Variants in CETP observed in about 807,000 individuals in gnomAD.
CETP encodes BPI fold containing family F.
In CETP, 56 loss-of-function variants were observed where a neutral mutation model predicts 66.5. That is an observed-to-expected ratio of 0.84 (90% CI 0.68 to 1.05). The LOEUF (loss-of-function observed/expected upper bound fraction) is 1.05. Ranked by LOEUF, CETP falls within the 50% of genes least tolerant of loss-of-function variation. The probability of loss-of-function intolerance (pLI) is 0.00; values close to 1 mark genes in which losing one functional copy is unlikely to be tolerated. For synonymous variants in CETP, 251 were observed against 245.7 expected (o/e 1.02, Z -0.20); for missense variants, 612 against 609.6 (o/e 1.00, Z -0.04).
chr16:56,972,754 G>A (rs761837053), intron 8 of CETP, among the ~76,000 whole-genome samples: 1 of 152,256 alleles, frequency 6.6e-6, no homozygotes, highest in Non-Finnish European at 1.5e-5. Flanking sequence ...CCAGCTAAAA[G>A]TTAAGTGGTA....
chr16:56,983,279 C>T, intron 14 of CETP, 47 bp from the exon 15 acceptor site: 1 of 1,561,752 alleles, frequency 6.4e-7, no homozygotes, highest in Admixed American at 1.7e-5. Context: ...CTCGGGCCGG[C>T]CTTGCTCCCC....
chr16:56,972,007 A>C lies in CETP; in HGVS notation c.674A>C (p.Asp225Ala). The change falls in exon 8 of 16, where the codon GAT becomes GCT. Residue 225 changes from aspartate (D) to alanine (A), a missense_variant. Transcript: ENST00000200676. ...VQTRAASILS[D>A]GDIGVDISLT... ...CCTCCTGCAGCCAGCATCCTTTCAG[A>C]TGGAGACATTGGGGTGGACATTTCC... is the stretch of plus-strand genomic sequence containing the variant. 3 of 1,614,108 alleles carry C rather than the reference A, an allele frequency of 1.9e-6. No homozygotes were observed. The highest frequency in any genetic ancestry group is 2.5e-6 in the Non-Finnish European group (3 of 1,179,996).
intron 12 of CETP, 27 bp from the exon 13 acceptor site, chr16:56,981,620 C>G: frequency 6.2e-7 from 1 of 1,613,602 alleles, no homozygotes; most frequent in African/African-American, 1.3e-5. Flanking sequence ...AATGGAGGGT[C>G]AAATTATCAT....
chr16:56,970,141 C>T (rs946149173), intron 5 of CETP, 140 bp downstream of exon 5: 18 of 738,444 alleles, frequency 2.4e-5, no homozygotes, highest in Non-Finnish European at 4.1e-5. Flanking sequence ...TCAGTGGGGT[C>T]ACTTCCTACC....
At chr16:56,964,296 G>T (rs2056049567) in intron 2 of CETP, among the ~76,000 whole-genome samples, 1 of 152,154 alleles carries the variant, frequency 6.6e-6, no homozygotes, top group Non-Finnish European at 1.5e-5. Flanking sequence ...CAAAGTCCTG[G>T]GATTGCAGGC....
Position 56,979,900 on chromosome 16 carries a change from C to T in CETP, c.1147-1258C>T, listed in dbSNP as rs187936070. On this transcript the variant is annotated intron_variant, in intron 11 of 15. Coordinates refer to ENST00000200676, the MANE Select transcript of CETP (RefSeq NM_000078.3). ...ATAGAAAGAAGAAAACCACTGTCAC[C>T]ATAACCCCCTTCTCCAGGGGCCTTC... 9.2e-5 allele frequency among the ~76,000 whole-genome samples: 14 copies of T among 152,326 alleles called. No individual in the cohort carries two copies. In the East Asian group the frequency reaches 2.7e-3, roughly 29 times the overall value.
At chr16:56,965,682 G>T (rs189346131) in intron 2 of CETP, among the ~76,000 whole-genome samples, 2 of 152,192 alleles carry the variant, frequency 1.3e-5, no homozygotes, top group African/African-American at 4.8e-5. Context: ...TGTTTGGTAC[G>T]TGATGGCCGC....
intron 10 of CETP, 38 bp downstream of exon 10, chr16:56,975,189 G>A (rs139570062): frequency 3.8e-5 from 60 of 1,590,738 alleles, no homozygotes; most frequent in South Asian, 4.4e-5. Context: ...TTTATCTCAC[G>A]TACCCCAATC....
intron 10 of CETP, among the ~76,000 whole-genome samples, chr16:56,976,584 G>A (rs1375210457): frequency 1.3e-5 from 2 of 151,134 alleles, no homozygotes; most frequent in African/African-American, 4.9e-5. Flanking sequence ...CAATTCTCCT[G>A]CCTCAGTGCT....
chr16:56,977,992 G>A, intron 10 of CETP, 99 bp from the exon 11 acceptor site: 2 of 1,479,458 alleles, frequency 1.4e-6, no homozygotes, highest in Non-Finnish European at 1.8e-6. Flanking sequence ...CCCAGCCCTG[G>A]GGCCCGGAGC....
chr16:56,969,562 T>A, intron 3 of CETP, 42 bp downstream of exon 3: 1 of 1,614,132 alleles, frequency 6.2e-7, no homozygotes, highest in Non-Finnish European at 8.5e-7. Flanking sequence ...CCTGGCCCTC[T>A]CTGGGCTGGA....
chr16:56,978,075 C>A lies in CETP; in HGVS notation c.982-16C>A. ...ATGGGCCCCTGTCCTGGCCATGGGA[C>A]CCCTGTCTTCCACAGGTTGTCGGCG... On this transcript the variant is annotated splice_polypyrimidine_tract_variant and intron_variant, in intron 10 of 15. Coordinates refer to ENST00000200676, the MANE Select transcript of CETP (RefSeq NM_000078.3). The A allele has an allele frequency of 6.2e-7, 1 of 1,613,562 alleles. No individual in the cohort carries two copies. Among genetic ancestry groups the A allele is most frequent in the South Asian group, 1.1e-5 (1 of 91,042 alleles).
In CETP at chr16:56,962,096, G is replaced by A. The variant is rs749958925; in HGVS notation, c.117G>A (p.Val39=). The A allele has an allele frequency of 1.2e-6, 2 of 1,612,490 alleles. No homozygotes were observed. The highest frequency in any genetic ancestry group is 1.3e-5 in the African/African-American group (1 of 75,048). Residue 39 remains valine (V), a splice_region_variant and synonymous_variant, in exon 1 of 16, where the codon GTG becomes GTA. Transcript: ENST00000200676. ...GCATCACCAAGCCTGCCCTCCTGGT[G>A]TGTAAGTATCAGTGCATCTGTCTGC... is the stretch of plus-strand genomic sequence containing the variant. The part of the protein sequence containing the change: ...VCRITKPALL[V]LNHETAKVIQ...
intron 5 of CETP, among the ~76,000 whole-genome samples, chr16:56,970,414 C>G (rs756094231): frequency 3.7e-4 from 57 of 152,236 alleles, no homozygotes; most frequent in Non-Finnish European, 6.9e-4. Context: ...ACCACACTAA[C>G]TCAGAGATAA....
rs369703164 is a variant in CETP at position 56,981,135 on chromosome 16, G to A, written c.1147-23G>A. On this transcript the variant is annotated intron_variant, in intron 11 of 15. Coordinates refer to ENST00000200676, the MANE Select transcript of CETP (RefSeq NM_000078.3). ...GCTTCGGGAAGAGCCCTGGCTCACA[G>A]CAAATTTGGTTTCTCTCCCCAGGAT... 7.5e-6 allele frequency: 12 copies of A among 1,592,188 alleles called. No individual in the cohort carries two copies. In the African/African-American group the frequency reaches 1.6e-4, roughly 21 times the overall value.
intron 2 of CETP, among the ~76,000 whole-genome samples, chr16:56,968,344 C>G (rs948604709): frequency 3.3e-5 from 5 of 152,074 alleles, no homozygotes; most frequent in African/African-American, 1.2e-4. Flanking sequence ...CACCATCATG[C>G]CCGGTTAATT....
intron 10 of CETP, among the ~76,000 whole-genome samples, chr16:56,976,664 A>G (rs866808687): frequency 6.6e-6 from 1 of 151,574 alleles, no homozygotes; most frequent in Admixed American, 6.6e-5. Context: ...TCTCTCTTCC[A>G]TGATTGCCCC....
At chr16:56,983,303 TG>T in intron 14 of CETP, 22 bp from the exon 15 acceptor site, 1 of 1,611,876 alleles carries the variant, frequency 6.2e-7, no homozygotes, top group South Asian at 1.1e-5. Context: ...AAGGGCTGAC[TG>T]GGGCTCTGTC....
chr16:56,963,159 T>G (rs1596993559), intron 2 of CETP, 35 bp downstream of exon 2: 1 of 1,562,644 alleles, frequency 6.4e-7, no homozygotes, highest in Non-Finnish European at 8.8e-7. Context: ...AGGCTGGGGG[T>G]AGGGAGGCGG....
Sources: gnomAD v4.1 joint callset for allele counts (sites outside exome capture counted in the v4.1 genomes callset) on GRCh38, gnomAD v4.1.1 for gene constraint, MANE v1.5 for transcripts, NCBI Gene and HGNC (gene_info 2026-07-23, HGNC 2026-07-21) for gene names.